NOVA1: variants seen among roughly 807,000 people sequenced by gnomAD.
NOVA1 encodes NOVA alternative splicing regulator 1, also known as RNA-binding protein Nova-1.
A neutral mutation model predicts 38.0 loss-of-function variants in NOVA1; 7 were observed. The ratio of observed to expected loss-of-function variants is 0.18; its 90% CI spans 0.10 to 0.35. The LOEUF is 0.35. Ranked by LOEUF, NOVA1 falls within the 10% of genes least tolerant of loss-of-function variation. The pLI is 1.00. For missense variants in NOVA1, 460 were observed against 616.0 expected (o/e 0.75, Z 2.68); for synonymous variants, 270 against 232.5 (o/e 1.16, Z -1.47).
intron 2 of NOVA1, among the ~76,000 whole-genome samples, chr14:26,487,023 TATAA>T (rs1256385058): frequency 6.6e-6 from 1 of 152,152 alleles, no homozygotes; most frequent in African/African-American, 2.4e-5. Context: ...ATATTGTCTT[TATAA>T]ATAGATGATT....
At chr14:26,580,422 A>T (rs1439749528) in intron 2 of NOVA1, among the ~76,000 whole-genome samples, 2 of 152,150 alleles carry the variant, frequency 1.3e-5, no homozygotes, top group Non-Finnish European at 1.5e-5. Flanking sequence ...ATTTGCTTTA[A>T]TATTACAAAT....
chr14:26,552,756 T>A (rs1265828580), intron 2 of NOVA1, among the ~76,000 whole-genome samples: 2 of 152,050 alleles, frequency 1.3e-5, no homozygotes, highest in Non-Finnish European at 2.9e-5. Context: ...AAACCAAAAA[T>A]AAAGCAAGTG....
At chr14:26,500,836 C>A (rs1422226427) in intron 2 of NOVA1, among the ~76,000 whole-genome samples, 2 of 151,710 alleles carry the variant, frequency 1.3e-5, no homozygotes, top group Admixed American at 1.3e-4. Context: ...CCTAACAGTT[C>A]TCTAAGTATG....
intron 4 of NOVA1, among the ~76,000 whole-genome samples, chr14:26,463,083 C>A (rs962849586): frequency 6.6e-6 from 1 of 152,110 alleles, no homozygotes; most frequent in Non-Finnish European, 1.5e-5. Flanking sequence ...TTATGCAGAT[C>A]TAACTCAGCA....
At chr14:26,544,923 G>T (rs1890698267) in intron 2 of NOVA1, among the ~76,000 whole-genome samples, 1 of 151,998 alleles carries the variant, frequency 6.6e-6, no homozygotes, top group Non-Finnish European at 1.5e-5. Context: ...GATAAATGGT[G>T]GGCAAAGAAG....
intron 4 of NOVA1, among the ~76,000 whole-genome samples, chr14:26,465,927 G>C (rs1255618859): frequency 6.6e-6 from 1 of 152,032 alleles, no homozygotes; most frequent in African/African-American, 2.4e-5. Flanking sequence ...GTATTCATGA[G>C]GCAATGGAAA....
At chr14:26,596,657 C>G in intron 1 of NOVA1, 13 of 1,289,128 alleles carry the variant, frequency 1.0e-5, no homozygotes, top group Non-Finnish European at 1.3e-5. Context: ...AACTCATCTT[C>G]CAAGGAAGCG....
intron 2 of NOVA1, among the ~76,000 whole-genome samples, chr14:26,557,524 G>A (rs1891565450): frequency 7.3e-6 from 1 of 136,886 alleles, no homozygotes; most frequent in Admixed American, 7.3e-5. Flanking sequence ...ACCATGACTG[G>A]CTAATTTTTT....
intron 2 of NOVA1, among the ~76,000 whole-genome samples, chr14:26,506,330 G>A (rs1478491995): frequency 6.6e-6 from 1 of 152,150 alleles, no homozygotes; most frequent in East Asian, 1.9e-4. Context: ...TAGTGGTATT[G>A]CTTGGATCTG....
At chr14:26,490,941 C>T (rs1287692356) in intron 2 of NOVA1, among the ~76,000 whole-genome samples, 3 of 149,178 alleles carry the variant, frequency 2.0e-5, no homozygotes, top group Non-Finnish European at 4.4e-5. Context: ...GCTCCACCTC[C>T]TGGGTTCCCG....
At chr14:26,534,410 C>T (rs987629955) in intron 2 of NOVA1, among the ~76,000 whole-genome samples, 1 of 151,764 alleles carries the variant, frequency 6.6e-6, no homozygotes, top group Non-Finnish European at 1.5e-5. Context: ...CAGAAAATAT[C>T]ATGAAGGAAA....
At position 26,448,231 on chromosome 14, in the gene NOVA1, C is replaced by G; in HGVS notation, c.1252G>C (p.Asp418His). Residue 418 changes from aspartate to histidine, a missense_variant, in exon 5 of 5, where the codon GAT becomes CAT. By Grantham distance (81) the Asp-to-His change is moderately conservative. Coordinates refer to ENST00000539517, the MANE Select transcript of NOVA1 (RefSeq NM_002515.3). This position sits in a 1 kb window ranked among gnomAD's most constrained non-coding sequence, Gnocchi z 5.3. ...SAILGTEKST[D>H]GSKDVVEIAV... Reference sequence around the variant, plus strand: ...ATTTCAACTACATCCTTGGATCCATCTGTGGACTTTTCTGTTCCTAGAATG... The same window carrying G: ...ATTTCAACTACATCCTTGGATCCATGTGTGGACTTTTCTGTTCCTAGAATG... 1 of 1,614,224 alleles carries G rather than the reference C, an allele frequency of 6.2e-7. No homozygotes were observed. Among genetic ancestry groups the G allele is most frequent in the Non-Finnish European group, 8.5e-7 (1 of 1,180,044 alleles).
At chr14:26,537,943 A>T (rs1308097501) in intron 2 of NOVA1, among the ~76,000 whole-genome samples, 3 of 152,138 alleles carry the variant, frequency 2.0e-5, no homozygotes, top group African/African-American at 7.2e-5. Flanking sequence ...TCTCACAGTC[A>T]TGAGTGAAGA....
At chr14:26,554,908 T>C (rs1338149461) in intron 2 of NOVA1, among the ~76,000 whole-genome samples, 1 of 152,130 alleles carries the variant, frequency 6.6e-6, no homozygotes, top group African/African-American at 2.4e-5. Flanking sequence ...GCTACAGAAA[T>C]ATTTGTCTAT....
At chr14:26,497,197 T>C (rs1886881507) in intron 2 of NOVA1, among the ~76,000 whole-genome samples, 1 of 152,106 alleles carries the variant, frequency 6.6e-6, no homozygotes, top group South Asian at 2.1e-4. Flanking sequence ...CCATTCACAA[T>C]TGCTTCTAAG....
At chr14:26,547,405 A>T (rs1000793429) in intron 2 of NOVA1, among the ~76,000 whole-genome samples, 1 of 152,176 alleles carries the variant, frequency 6.6e-6, no homozygotes, top group Non-Finnish European at 1.5e-5. Flanking sequence ...ATTAAATTCA[A>T]TAATACAGAA....
intron 2 of NOVA1, among the ~76,000 whole-genome samples, chr14:26,494,721 ATTCTCTCTCTCTCT>A (rs886657866): frequency 3.2e-4 from 49 of 152,050 alleles, no homozygotes; most frequent in African/African-American, 1.2e-3. Flanking sequence ...ATCTGACTTC[ATTCTCTCTCTCTCT>A]TTCTCTCTCT....
At chr14:26,564,622 A>G (rs1036833052) in intron 2 of NOVA1, among the ~76,000 whole-genome samples, 1 of 152,160 alleles carries the variant, frequency 6.6e-6, no homozygotes, top group African/African-American at 2.4e-5. Context: ...ATCCATTTTT[A>G]TATCAGGAAA....
intron 2 of NOVA1, among the ~76,000 whole-genome samples, chr14:26,516,543 A>G (rs1157646364): frequency 6.6e-6 from 1 of 152,200 alleles, no homozygotes; most frequent in African/African-American, 2.4e-5. Flanking sequence ...TTTTGAGAAC[A>G]GTGTCAGGTA....
Sources: allele counts gnomAD v4.1 joint callset (sites outside exome capture counted in the v4.1 genomes callset), GRCh38; gene constraint gnomAD v4.1.1; non-coding constraint Gnocchi (gnomAD v3.1); transcripts MANE v1.5; gene names NCBI Gene and HGNC (gene_info 2026-07-23, HGNC 2026-07-21).